The following HECW1 variants were observed in gnomAD, a reference collection of about 807,000 sequenced individuals.
HECW1 encodes the protein E3 ubiquitin-protein ligase HECW1.
In HECW1, 61 loss-of-function variants were observed where a neutral mutation model predicts 182.3. The observed-to-expected ratio is 0.33, with a 90% CI of 0.27 to 0.41. The LOEUF (loss-of-function observed/expected upper bound fraction) is 0.41. Ranked by LOEUF, HECW1 falls within the 10% of genes least tolerant of loss-of-function variation. HECW1 has a pLI of 1.00. For synonymous variants in HECW1, 859 were observed against 832.6 expected (o/e 1.03, Z -0.55); for missense variants, 1,739 against 2,108.9 (o/e 0.82, Z 3.44).
chr7:43,135,031 T>C (rs1202674362), intron 2 of HECW1, among the ~76,000 whole-genome samples: 3 of 152,228 alleles, frequency 2.0e-5, no homozygotes, highest in Admixed American at 6.5e-5. Flanking sequence ...TCTTTACTTA[T>C]TATATTTTTG....
intron 3 of HECW1, among the ~76,000 whole-genome samples, chr7:43,267,985 A>G (rs972748122): frequency 6.6e-6 from 1 of 150,830 alleles, no homozygotes. Context: ...AGCAGTACAA[A>G]ATTCACCTGA....
intron 3 of HECW1, chr7:43,258,488 G>T (rs1800826198): frequency 6.6e-6 from 1 of 152,168 alleles, no homozygotes; most frequent in South Asian, 2.1e-4. Context: ...CGACTGAGAG[G>T]CGTATGGATA....
At chr7:43,190,805 T>A (rs1054840284) in intron 2 of HECW1, among the ~76,000 whole-genome samples, 3 of 152,220 alleles carry the variant, frequency 2.0e-5, no homozygotes, top group Non-Finnish European at 4.4e-5. Context: ...TCTAAGTTCA[T>A]AAGGGATTAT....
intron 2 of HECW1, among the ~76,000 whole-genome samples, chr7:43,165,430 A>G (rs10263679): frequency 0.1 from 15,199 of 150,950 alleles, 1,116 homozygotes; most frequent in African/African-American, 0.21. Flanking sequence ...GCACACAGGT[A>G]TGTGTGTGTG....
At chr7:43,118,136 C>T (rs1436278198) in intron 2 of HECW1, 1 of 152,250 alleles carries the variant, frequency 6.6e-6, no homozygotes, top group Non-Finnish European at 1.5e-5. Flanking sequence ...CATTCGGGGT[C>T]CCTTTTATAT....
intron 26 of HECW1, 127 bp from the exon 27 acceptor site, chr7:43,550,318 G>A (rs1253761669): frequency 9.0e-6 from 9 of 998,468 alleles, no homozygotes; most frequent in Non-Finnish European, 1.3e-5. Flanking sequence ...AAGACTCCAG[G>A]GATAATAATG....
At chr7:43,518,921 A>G (rs1201925565) in intron 24 of HECW1, among the ~76,000 whole-genome samples, 1 of 152,212 alleles carries the variant, frequency 6.6e-6, no homozygotes, top group Non-Finnish European at 1.5e-5. Context: ...CATGCATGAA[A>G]GCAATTTTAT....
At chr7:43,412,864 T>C (rs2075857275) in intron 8 of HECW1, among the ~76,000 whole-genome samples, 1 of 149,528 alleles carries the variant, frequency 6.7e-6, no homozygotes, top group South Asian at 2.1e-4. Context: ...TGTTGGACAT[T>C]TGGGTTGGTT....
chr7:43,540,640 A>C (rs899213604), intron 24 of HECW1, among the ~76,000 whole-genome samples: 2 of 152,190 alleles, frequency 1.3e-5, no homozygotes, highest in Non-Finnish European at 2.9e-5. Flanking sequence ...CTTATCTCTT[A>C]CCATATTGTG....
At chr7:43,448,740 C>T (rs1316407675) in intron 11 of HECW1, among the ~76,000 whole-genome samples, 1 of 152,142 alleles carries the variant, frequency 6.6e-6, no homozygotes, top group Non-Finnish European at 1.5e-5. Context: ...CACTTTGCTT[C>T]AAATAATATG....
At chr7:43,464,952 C>A (rs554693753) in intron 14 of HECW1, among the ~76,000 whole-genome samples, 20 of 152,168 alleles carry the variant, frequency 1.3e-4, no homozygotes, top group African/African-American at 4.6e-4. Context: ...CAGGCATGCA[C>A]CACCATGCCT....
intron 5 of HECW1, among the ~76,000 whole-genome samples, chr7:43,333,251 A>G (rs1475271706): frequency 6.6e-6 from 1 of 152,242 alleles, no homozygotes; most frequent in East Asian, 1.9e-4. Flanking sequence ...TCTGGAAGGA[A>G]GATCAAGGTG....
At chr7:43,237,395 C>T (rs888585119) in intron 2 of HECW1, among the ~76,000 whole-genome samples, 2 of 152,194 alleles carry the variant, frequency 1.3e-5, no homozygotes, top group African/African-American at 4.8e-5. Flanking sequence ...TGTGTCTCCC[C>T]TCCTGAAGGG....
Position 43,438,014 on chromosome 7 carries a change from T to C in HECW1, c.813T>C (p.Phe271=). The C allele has an allele frequency of 6.2e-7, 1 of 1,614,158 alleles. No individual in the cohort carries two copies. Among genetic ancestry groups the C allele is most frequent in the East Asian group, 2.2e-5 (1 of 44,888 alleles). Residue 271 remains phenylalanine (F), a synonymous_variant, in exon 9 of 30, where the codon TTT becomes TTC. Transcript: ENST00000395891. ...NPIWQAEQFS[F]VSLPTDVLEI... Reference sequence around the variant, plus strand: ...TTCTTTCATTGCAGCAATTCAGTTTTGTGTCCTTGCCCACTGACGTGCTGG... The same window carrying C: ...TTCTTTCATTGCAGCAATTCAGTTTCGTGTCCTTGCCCACTGACGTGCTGG...
chr7:43,548,259 T>A (rs1183520943), intron 26 of HECW1, among the ~76,000 whole-genome samples: 4 of 152,222 alleles, frequency 2.6e-5, no homozygotes, highest in Non-Finnish European at 5.9e-5. Flanking sequence ...TTTTTCATTT[T>A]AAAAAAGCTT....
At chr7:43,402,400 C>T (rs1048441113) in intron 7 of HECW1, among the ~76,000 whole-genome samples, 1 of 152,078 alleles carries the variant, frequency 6.6e-6, no homozygotes, top group South Asian at 2.1e-4. Context: ...TTTGAGCATA[C>T]GAGCCACACC....
intron 26 of HECW1, 75 bp from the exon 27 acceptor site, chr7:43,550,370 C>T (rs553588318): frequency 2.0e-6 from 3 of 1,523,754 alleles, no homozygotes; most frequent in Non-Finnish European, 2.7e-6. Context: ...TACGGTCATC[C>T]CCCTAAAATC....
intron 3 of HECW1, among the ~76,000 whole-genome samples, chr7:43,252,469 C>A (rs1163953996): frequency 6.6e-6 from 1 of 152,232 alleles, no homozygotes; most frequent in Non-Finnish European, 1.5e-5. Context: ...GAATCAATAT[C>A]TGCACTTTAA....
intron 2 of HECW1, among the ~76,000 whole-genome samples, chr7:43,205,330 G>C (rs765793670): frequency 3.3e-5 from 5 of 152,124 alleles, no homozygotes; most frequent in African/African-American, 4.8e-5. Context: ...TGATCGGCCC[G>C]CCTTGGCCTC....
Sources: gnomAD v4.1 joint callset for allele counts (sites outside exome capture counted in the v4.1 genomes callset) on GRCh38, gnomAD v4.1.1 for gene constraint, MANE v1.5 for transcripts, NCBI Gene and HGNC (gene_info 2026-07-23, HGNC 2026-07-21) for gene names.